The following SPPL3 variants were observed in gnomAD, a reference collection of about 807,000 sequenced individuals.
SPPL3 encodes signal peptide peptidase-like 3.
Under a neutral mutation model 42.4 loss-of-function variants are expected in SPPL3, and 5 were observed. The observed-to-expected ratio is 0.12, with a 90% CI of 0.06 to 0.25. SPPL3 has a LOEUF of 0.25. Ranked by LOEUF, SPPL3 falls within the 10% of genes least tolerant of loss-of-function variation. The probability of loss-of-function intolerance (pLI) is 1.00; values close to 1 mark genes in which losing one functional copy is unlikely to be tolerated. For missense variants in SPPL3, 235 were observed against 489.0 expected, an observed-to-expected ratio of 0.48 and a Z score of 4.90; for synonymous variants, 195 against 181.8, an observed-to-expected ratio of 1.07 and a Z score of -0.58.
At chr12:120,804,901 G>C (rs1033280906) in intron 2 of SPPL3, among the ~76,000 whole-genome samples, 2 of 152,110 alleles carry the variant, frequency 1.3e-5, no homozygotes, top group African/African-American at 4.8e-5. Context: ...GTAATAAAAA[G>C]GAATGAAATA....
At chr12:120,770,660 C>A (rs532658112) in intron 6 of SPPL3, among the ~76,000 whole-genome samples, 14 of 152,212 alleles carry the variant, frequency 9.2e-5, no homozygotes, top group Non-Finnish European at 1.6e-4. Flanking sequence ...TCCCCACTCA[C>A]TGGCCTTTTC....
intron 1 of SPPL3, among the ~76,000 whole-genome samples, chr12:120,900,302 C>T (rs994333424): frequency 4.6e-5 from 7 of 151,564 alleles, no homozygotes; most frequent in African/African-American, 1.7e-4. Context: ...AAACAAAGTG[C>T]AAATCTGTTT....
At chr12:120,820,271 T>C (rs1418040053) in intron 1 of SPPL3, among the ~76,000 whole-genome samples, 6 of 152,018 alleles carry the variant, frequency 3.9e-5, no homozygotes, top group Non-Finnish European at 8.8e-5. Flanking sequence ...TATGGAAATA[T>C]GTTGAAATAG....
intron 1 of SPPL3, among the ~76,000 whole-genome samples, chr12:120,830,189 G>A (rs1871353285): frequency 7.2e-6 from 1 of 138,560 alleles, no homozygotes; most frequent in Admixed American, 7.5e-5. Flanking sequence ...TCCTGACAGA[G>A]TGAACACAGA....
intron 6 of SPPL3, among the ~76,000 whole-genome samples, chr12:120,774,804 T>C (rs1231853801): frequency 6.6e-6 from 1 of 152,096 alleles, no homozygotes; most frequent in Non-Finnish European, 1.5e-5. Context: ...GGAGGTGCTC[T>C]CTTTCCCTTG....
intron 1 of SPPL3, among the ~76,000 whole-genome samples, chr12:120,894,909 C>T (rs991669812): frequency 1.3e-5 from 2 of 151,272 alleles, no homozygotes; most frequent in African/African-American, 2.4e-5. Context: ...ATCGTGCCAC[C>T]GCACTCCAGC....
At position 120,764,844 on chromosome 12, in the gene SPPL3, G is replaced by T; in HGVS notation, c.*155C>A. 1.3e-6 allele frequency: 1 copy of T among 783,830 alleles called. No individual in the cohort carries two copies. The allele number at this position is 783,830 out of a possible 1,614,324, so 48.6% of individuals were successfully genotyped here. Reference sequence around the variant, plus strand: ...AACAGGGCTCCAGCACCTCTCTCCTGCAAACGAGCTCCCTTTAAATGCCAA... The same window carrying T: ...AACAGGGCTCCAGCACCTCTCTCCTTCAAACGAGCTCCCTTTAAATGCCAA... On this transcript the variant is annotated 3_prime_UTR_variant, in exon 11 of 11. Transcript: ENST00000353487.
intron 1 of SPPL3, among the ~76,000 whole-genome samples, chr12:120,870,579 C>A (rs774359736): frequency 6.6e-6 from 1 of 152,098 alleles, no homozygotes; most frequent in Non-Finnish European, 1.5e-5. Flanking sequence ...GGAAGCAACC[C>A]ATGCCCAGTG....
chr12:120,824,355 A>T (rs932140932), intron 1 of SPPL3, among the ~76,000 whole-genome samples: 1 of 152,104 alleles, frequency 6.6e-6, no homozygotes, highest in African/African-American at 2.4e-5. Context: ...AAACGTTAGC[A>T]AAAAAGACAA....
intron 1 of SPPL3, among the ~76,000 whole-genome samples, chr12:120,873,033 T>C (rs913388130): frequency 6.6e-6 from 1 of 152,020 alleles, no homozygotes; most frequent in Non-Finnish European, 1.5e-5. Flanking sequence ...CTACAAATGA[T>C]AGAAATAATG....
In SPPL3 at chr12:120,786,473, T is replaced by C. The variant is rs1476398783; in HGVS notation, c.191-1880A>G. ...CATCAGGGAGTCTATAGACAGATTATACTGATTCAAAGTATGAAGAGAAAA... is the reference window on the plus strand; with the variant it reads ...CATCAGGGAGTCTATAGACAGATTACACTGATTCAAAGTATGAAGAGAAAA... On this transcript the variant is annotated intron_variant, in intron 3 of 10. Transcript: ENST00000353487. 6.6e-5 allele frequency among the ~76,000 whole-genome samples: 10 copies of C among 152,336 alleles called. No homozygotes were observed. In the East Asian group the frequency reaches 1.9e-3, roughly 29 times the overall value.
intron 1 of SPPL3, chr12:120,901,846 T>C (rs1873995047): frequency 5.2e-6 from 5 of 969,482 alleles, no homozygotes; most frequent in Non-Finnish European, 6.1e-6. Context: ...AGCCAACTAA[T>C]GTCAGAGAGA....
At chr12:120,883,730 T>G (rs1873361930) in intron 1 of SPPL3, among the ~76,000 whole-genome samples, 1 of 152,126 alleles carries the variant, frequency 6.6e-6, no homozygotes, top group Non-Finnish European at 1.5e-5. Context: ...AAAAACAAAT[T>G]ATAAAAGACA....
Position 120,766,469 on chromosome 12 carries a change from C to T in SPPL3, c.974-97G>A, listed in dbSNP as rs965358149. 54 of 930,482 alleles carry T rather than the reference C, an allele frequency of 5.8e-5. 1 individual carries two copies. The highest frequency in any genetic ancestry group is 6.2e-5 in the Non-Finnish European group (40 of 643,398). The allele number at this position is 930,482 out of a possible 1,614,324, so 57.6% of individuals were successfully genotyped here. On this transcript the variant is annotated intron_variant, in intron 9 of 10. Coordinates refer to ENST00000353487, the MANE Select transcript of SPPL3 (RefSeq NM_139015.5). ...CCTGCAACTGTACAGATCTAATGTG[C>T]TGTCGTCCATTCTATGGTTGGGGTG...
At chr12:120,884,892 T>C (rs11065309) in intron 1 of SPPL3, among the ~76,000 whole-genome samples, 5,434 of 149,648 alleles carry the variant, frequency 0.036, 118 homozygotes, top group South Asian at 0.069. Context: ...AAATAGATAC[T>C]AGAAATAACT....
intron 1 of SPPL3, among the ~76,000 whole-genome samples, chr12:120,876,802 A>AACATAT (rs1367443066): frequency 4.3e-4 from 29 of 68,104 alleles, no homozygotes; most frequent in African/African-American, 1.5e-3. Context: ...TACCTTGAGA[A>AACATAT]ACACATACAC....
At chr12:120,818,907 AG>A (rs1461362401) in intron 1 of SPPL3, among the ~76,000 whole-genome samples, 1 of 152,276 alleles carries the variant, frequency 6.6e-6, no homozygotes, top group Non-Finnish European at 1.5e-5. Context: ...AAAACAAAAC[AG>A]AACAAAAAAA....
chr12:120,814,091 CA>C (rs1056331078), intron 1 of SPPL3, among the ~76,000 whole-genome samples: 25 of 151,214 alleles, frequency 1.7e-4, no homozygotes, highest in African/African-American at 6.1e-4. Context: ...AGGGATACAC[CA>C]AAAAAAAGGT....
chr12:120,876,664 G>T (rs1006264573), intron 1 of SPPL3, among the ~76,000 whole-genome samples: 5 of 143,654 alleles, frequency 3.5e-5, no homozygotes, highest in Non-Finnish European at 7.7e-5. Flanking sequence ...TGACTTGAAT[G>T]AAAATCAAGC....
Sources: gnomAD v4.1 joint callset for allele counts (sites outside exome capture counted in the v4.1 genomes callset) on GRCh38, gnomAD v4.1.1 for gene constraint, MANE v1.5 for transcripts, NCBI Gene and HGNC (gene_info 2026-07-23, HGNC 2026-07-21) for gene names.